FRAS1: variants seen among roughly 807,000 people sequenced by gnomAD.
The protein encoded by FRAS1 is extracellular matrix organizing protein FRAS1.
Under a neutral mutation model 435.2 loss-of-function variants are expected in FRAS1, and 290 were observed. The ratio of observed to expected loss-of-function variants is 0.67; its 90% CI spans 0.61 to 0.73. The LOEUF (loss-of-function observed/expected upper bound fraction) is 0.73. FRAS1 is among the 30% of genes least tolerant of loss of function. FRAS1 has a pLI of 0.00. For missense variants in FRAS1, 4,860 were observed against 5,001.5 expected (o/e 0.97, Z 0.85); for synonymous variants, 1,800 against 1,851.0 (o/e 0.97, Z 0.71).
At chr4:78,372,677 G>A (rs1230849525) in intron 23 of FRAS1, 41 bp from the exon 24 acceptor site, 1 of 1,608,560 alleles carries the variant, frequency 6.2e-7, no homozygotes, top group Admixed American at 1.7e-5. Flanking sequence ...GTCTGAGGGT[G>A]GACAGAAAGG....
chr4:78,126,130 G>A (rs1719340383), intron 2 of FRAS1, among the ~76,000 whole-genome samples: 1 of 152,180 alleles, frequency 6.6e-6, no homozygotes, highest in Admixed American at 6.5e-5. Flanking sequence ...TGCCTGCCAA[G>A]CTCCAGCATC....
intron 2 of FRAS1, among the ~76,000 whole-genome samples, chr4:78,134,324 G>T (rs551891770): frequency 7.2e-5 from 11 of 152,000 alleles, no homozygotes; most frequent in South Asian, 2.1e-4. Flanking sequence ...GATTTTGGCC[G>T]TAGAGGTTTT....
intron 6 of FRAS1, among the ~76,000 whole-genome samples, chr4:78,256,859 A>G (rs1725819548): frequency 6.7e-6 from 1 of 149,198 alleles, no homozygotes. Context: ...GATCATTTAG[A>G]ACCATTTTTC....
Position 78,150,006 on chromosome 4 carries a change from G to A in FRAS1, c.108+83990G>A, listed in dbSNP as rs184985192. Among the ~76,000 whole-genome samples the A allele has an allele frequency of 1.3e-4, 20 of 152,302 alleles. No homozygotes were observed. In the East Asian group the frequency reaches 1.9e-3, roughly 15 times the overall value. On this transcript the variant is annotated intron_variant, in intron 2 of 73. Transcript: ENST00000512123. ...GTGGGAGGTTGGGTACATCAGTGGC[G>A]AATCCTTAGATTGGACATAATGAAG...
At chr4:78,390,784 G>T (rs1732413345) in intron 29 of FRAS1, among the ~76,000 whole-genome samples, 1 of 152,228 alleles carries the variant, frequency 6.6e-6, no homozygotes, top group Admixed American at 6.5e-5. Context: ...AGATGGGCAT[G>T]TAAGTTCTTA....
intron 18 of FRAS1, among the ~76,000 whole-genome samples, chr4:78,323,938 G>T (rs758948616): frequency 7.2e-5 from 11 of 152,102 alleles, no homozygotes; most frequent in Non-Finnish European, 1.3e-4. Flanking sequence ...TGGGAATCTT[G>T]TTAAAGATTC....
intron 2 of FRAS1, among the ~76,000 whole-genome samples, chr4:78,188,573 T>C (rs1007288181): frequency 3.9e-5 from 6 of 152,180 alleles, no homozygotes; most frequent in African/African-American, 1.2e-4. Context: ...TAAAGGAACA[T>C]TGCTTTTACT....
chr4:78,452,742 G>C (rs1053822629), intron 47 of FRAS1, among the ~76,000 whole-genome samples: 7 of 152,212 alleles, frequency 4.6e-5, no homozygotes, highest in South Asian at 4.1e-4. Context: ...AGTGTACTGA[G>C]CAAGATTCTG....
intron 31 of FRAS1, among the ~76,000 whole-genome samples, chr4:78,412,232 G>A (rs969309983): frequency 6.6e-6 from 1 of 152,162 alleles, no homozygotes; most frequent in Non-Finnish European, 1.5e-5. Flanking sequence ...TCTCAGAATT[G>A]ATAGAACTCA....
At chr4:78,448,361 AT>A in intron 44 of FRAS1, 45 bp downstream of exon 44, 1 of 1,515,454 alleles carries the variant, frequency 6.6e-7, no homozygotes. Context: ...TTCTATCCTT[AT>A]TTCTTCTTTG....
At chr4:78,499,948 G>T in intron 61 of FRAS1, 27 bp downstream of exon 61, 1 of 1,476,882 alleles carries the variant, frequency 6.8e-7, no homozygotes, top group South Asian at 1.5e-5. Flanking sequence ...CTCAATCTGT[G>T]GGTTTTACTT....
chr4:78,539,191 A>T, intron 72 of FRAS1, 103 bp from the exon 73 acceptor site: 2 of 1,137,068 alleles, frequency 1.8e-6, no homozygotes, highest in Non-Finnish European at 2.5e-6. Context: ...ACTCAACCTA[A>T]AGCCAGGAGT....
Position 78,286,473 on chromosome 4 carries a change from A to T in FRAS1, c.1468A>T (p.Met490Leu), listed in dbSNP as rs1727609747. The T allele has an allele frequency of 6.2e-7, 1 of 1,613,726 alleles. No individual in the cohort carries two copies. The highest frequency in any genetic ancestry group is 8.5e-7 in the Non-Finnish European group (1 of 1,179,874). ...ECSSCQPPLL[M>L]RHGQCVPTCG... is the part of the protein sequence containing the mutation. ...CTCATCCTGCCAGCCTCCCCTGCTGATGCGGCACGGGCAGTGTGTGCCTAC... is the reference window on the plus strand; with the variant it reads ...CTCATCCTGCCAGCCTCCCCTGCTGTTGCGGCACGGGCAGTGTGTGCCTAC... Residue 490 changes from methionine (M) to leucine (L), a missense_variant, in exon 14 of 74, where the codon ATG (methionine) becomes TTG (leucine). Met to Leu is a conservative substitution (Grantham distance 15). Coordinates refer to ENST00000512123, the MANE Select transcript of FRAS1 (RefSeq NM_025074.7).
intron 6 of FRAS1, among the ~76,000 whole-genome samples, chr4:78,264,244 C>T (rs1439527469): frequency 2.0e-5 from 3 of 152,094 alleles, no homozygotes; most frequent in South Asian, 4.1e-4. Context: ...CTTCTTAGGG[C>T]AGCAGAGACA....
intron 6 of FRAS1, among the ~76,000 whole-genome samples, chr4:78,255,884 G>A (rs1725770296): frequency 6.6e-6 from 1 of 152,208 alleles, no homozygotes; most frequent in Non-Finnish European, 1.5e-5. Context: ...AAGCTGATCT[G>A]ATTCTCAAAA....
At chr4:78,180,717 T>A in intron 2 of FRAS1, 1 of 687,272 alleles carries the variant, frequency 1.5e-6, no homozygotes, top group Non-Finnish European at 2.5e-6. Context: ...AAGTTCATTT[T>A]TGAAACAGAT....
intron 2 of FRAS1, among the ~76,000 whole-genome samples, chr4:78,117,471 A>G (rs1381662338): frequency 1.3e-5 from 2 of 152,278 alleles, no homozygotes; most frequent in South Asian, 2.1e-4. Flanking sequence ...AGATACACCA[A>G]TCAGACGTAG....
At chr4:78,184,456 T>G (rs368514505) in intron 2 of FRAS1, among the ~76,000 whole-genome samples, 123 of 152,350 alleles carry the variant, frequency 8.1e-4, no homozygotes, top group African/African-American at 2.8e-3. Flanking sequence ...AAAACTGTTC[T>G]TAGCTTGTGG....
At position 78,363,533 on chromosome 4, in the gene FRAS1, C is replaced by T; in HGVS notation, c.2443C>T (p.His815Tyr). Residue 815 changes from histidine (H) to tyrosine (Y), a missense_variant, in exon 21 of 74, where the codon CAC becomes TAC. Coordinates refer to ENST00000512123, the MANE Select transcript of FRAS1 (RefSeq NM_025074.7). ...YCADCHHLCQ[H>Y]CAADLHNTGS... is the part of the protein sequence containing the mutation. ...TCCAGACTGCCATCACCTGTGCCAG[C>T]ACTGTGCAGCTGATCTCCACAACAC... 6.2e-7 allele frequency: 1 copy of T among 1,613,132 alleles called. No individual in the cohort carries two copies. Among genetic ancestry groups the T allele is most frequent in the Middle Eastern group, 1.7e-4 (1 of 6,052 alleles).
Sources: allele counts gnomAD v4.1 joint callset (sites outside exome capture counted in the v4.1 genomes callset), GRCh38; gene constraint gnomAD v4.1.1; transcripts MANE v1.5; gene names NCBI Gene and HGNC (gene_info 2026-07-23, HGNC 2026-07-21).